PTPRD: variants seen among roughly 807,000 people sequenced by gnomAD.
PTPRD encodes protein tyrosine phosphatase receptor type D.
A neutral mutation model predicts 214.5 loss-of-function variants in PTPRD; 34 were observed. That is an observed-to-expected ratio of 0.16 (90% CI 0.12 to 0.21). PTPRD has a LOEUF of 0.21. PTPRD is among the 10% of genes least tolerant of loss of function. The probability of loss-of-function intolerance (pLI) is 1.00; values close to 1 mark genes in which losing one functional copy is unlikely to be tolerated. For missense variants in PTPRD, 2,545 were observed against 2,398.7 expected (o/e 1.06, Z -1.27); for synonymous variants, 1,128 against 845.7 (o/e 1.33, Z -5.79).
At chr9:9,953,493 GACACACAC>G (rs59836734) in intron 4 of PTPRD, among the ~76,000 whole-genome samples, 38 of 145,326 alleles carry the variant, frequency 2.6e-4, no homozygotes, top group Middle Eastern at 3.6e-3. Flanking sequence ...GGGAATTGTG[GACACACAC>G]ACACACACAC....
At chr9:8,740,939 G>C (rs188429267) in intron 11 of PTPRD, among the ~76,000 whole-genome samples, 2 of 152,060 alleles carry the variant, frequency 1.3e-5, no homozygotes, top group Non-Finnish European at 2.9e-5. Context: ...TATCAATATA[G>C]ACACTTAAAA....
chr9:9,602,969 A>G lies in PTPRD; in HGVS notation c.-286-28188T>C, dbSNP rs114583760. Among the ~76,000 whole-genome samples, 1,066 of 152,246 alleles carry G rather than the reference A, an allele frequency of 7.0e-3. 10 individuals are homozygous for G. Among genetic ancestry groups the G allele is most frequent in the African/African-American group, 0.025 (1,024 of 41,554 alleles). On this transcript the variant is annotated intron_variant, in intron 7 of 45. Transcript: ENST00000381196. Reference sequence around the variant, plus strand: ...TTTTAAGATAAGCAAATTGGCTGCTATATTTTGAAAGATTAGGTTGTGTTA... The same window carrying G: ...TTTTAAGATAAGCAAATTGGCTGCTGTATTTTGAAAGATTAGGTTGTGTTA...
chr9:8,725,621 T>G lies in PTPRD; in HGVS notation c.64+8159A>C, dbSNP rs142172781. Among the ~76,000 whole-genome samples the G allele has an allele frequency of 1.1e-4, 17 of 152,318 alleles. No individual in the cohort carries two copies. The East Asian group carries it at 3.3e-3, about 29-fold the overall frequency. ...CACAAACTAATGAGAAAAAAAGGCA[T>G]AATAGCAACTAACAACATTTAGTGA... On this transcript the variant is annotated intron_variant, in intron 12 of 45. Transcript: ENST00000381196.
intron 4 of PTPRD, among the ~76,000 whole-genome samples, chr9:9,971,299 C>A (rs1023274500): frequency 3.4e-4 from 51 of 152,192 alleles, no homozygotes; most frequent in African/African-American, 1.2e-3. Context: ...GATTTAAATT[C>A]ACTAGGTCTG....
rs965531017 is a variant in PTPRD, at chr9:8,371,278, C to G, written c.4661+4658G>C. ...ACACAAACCAAAAAAATCAGTCCAG[C>G]CTTGAAACTCTTACTATTTTTGTAA... On this transcript the variant is annotated intron_variant, in intron 39 of 45. Transcript: ENST00000381196. Among the ~76,000 whole-genome samples, 5 of 152,098 alleles carry G rather than the reference C, an allele frequency of 3.3e-5. No individual in the cohort carries two copies. The East Asian group carries it at 7.8e-4, about 24-fold the overall frequency.
intron 7 of PTPRD, among the ~76,000 whole-genome samples, chr9:9,689,671 C>T (rs993766945): frequency 6.6e-6 from 1 of 151,824 alleles, no homozygotes; most frequent in African/African-American, 2.4e-5. Context: ...CTCTGCTAAC[C>T]AGCAATATAC....
At chr9:8,589,028 G>C (rs1275744976) in intron 14 of PTPRD, among the ~76,000 whole-genome samples, 1 of 151,826 alleles carries the variant, frequency 6.6e-6, no homozygotes, top group East Asian at 1.9e-4. Flanking sequence ...ATTCTTACTG[G>C]GTTATTATAA....
At chr9:9,434,216 G>C (rs1470170338) in intron 8 of PTPRD, among the ~76,000 whole-genome samples, 1 of 152,114 alleles carries the variant, frequency 6.6e-6, no homozygotes, top group African/African-American at 2.4e-5. Flanking sequence ...ACAGTGCCTA[G>C]ATCTCTCTGA....
At chr9:10,501,747 C>A (rs151230760) in intron 2 of PTPRD, among the ~76,000 whole-genome samples, 10 of 152,066 alleles carry the variant, frequency 6.6e-5, no homozygotes, top group African/African-American at 2.4e-4. Flanking sequence ...TAGAGTGGGA[C>A]TTTAAGTATT....
chr9:8,822,623 C>A (rs1279675789), intron 11 of PTPRD, among the ~76,000 whole-genome samples: 1 of 152,122 alleles, frequency 6.6e-6, no homozygotes, highest in Non-Finnish European at 1.5e-5. Flanking sequence ...AGTACAGTAT[C>A]AATAACAATA....
chr9:8,919,609 AT>A (rs750389180), intron 11 of PTPRD, among the ~76,000 whole-genome samples: 1 of 151,848 alleles, frequency 6.6e-6, no homozygotes, highest in African/African-American at 2.4e-5. Flanking sequence ...CACTTTTCCT[AT>A]TTTTTCCATA....
chr9:10,465,176 A>G, intron 2 of PTPRD, among the ~76,000 whole-genome samples: 1 of 152,226 alleles, frequency 6.6e-6, no homozygotes. Context: ...AGTAATACAT[A>G]ATCAAATAAT....
At chr9:9,894,671 C>G (rs1333956549) in intron 5 of PTPRD, among the ~76,000 whole-genome samples, 1 of 152,026 alleles carries the variant, frequency 6.6e-6, no homozygotes, top group South Asian at 2.1e-4. Flanking sequence ...ATAACAGTTA[C>G]CATTTCACAT....
At chr9:9,074,584 A>G (rs1049632565) in intron 10 of PTPRD, among the ~76,000 whole-genome samples, 1 of 152,104 alleles carries the variant, frequency 6.6e-6, no homozygotes, top group Non-Finnish European at 1.5e-5. Context: ...AATCTGGCTC[A>G]TATTTTATTA....
intron 8 of PTPRD, among the ~76,000 whole-genome samples, chr9:9,554,729 A>G (rs1367598429): frequency 1.3e-5 from 2 of 152,054 alleles, no homozygotes. Flanking sequence ...ATAGAGATAA[A>G]AAGAATTGCA....
intron 4 of PTPRD, among the ~76,000 whole-genome samples, chr9:9,967,749 TAAG>T (rs933590076): frequency 1.3e-5 from 2 of 152,186 alleles, no homozygotes; most frequent in Non-Finnish European, 2.9e-5. Flanking sequence ...TCAAAATCTT[TAAG>T]AACTATTGAT....
chr9:8,636,197 G>A (rs897360623), intron 13 of PTPRD, among the ~76,000 whole-genome samples: 3 of 152,106 alleles, frequency 2.0e-5, no homozygotes, highest in African/African-American at 7.2e-5. Context: ...TTTCCTTTGG[G>A]AAAATTCTGC....
intron 5 of PTPRD, among the ~76,000 whole-genome samples, chr9:9,816,759 G>A (rs549820109): frequency 1.3e-5 from 2 of 152,040 alleles, no homozygotes; most frequent in African/African-American, 4.8e-5. Flanking sequence ...TAAAAGTCAT[G>A]CATAAGGTGC....
At chr9:9,159,076 C>T (rs1267051245) in intron 10 of PTPRD, among the ~76,000 whole-genome samples, 2 of 152,160 alleles carry the variant, frequency 1.3e-5, no homozygotes, top group Admixed American at 1.3e-4. Flanking sequence ...AAAGGCTATG[C>T]ATGATAAATC....
Sources: allele counts gnomAD v4.1 joint callset (sites outside exome capture counted in the v4.1 genomes callset), GRCh38; gene constraint gnomAD v4.1.1; transcripts MANE v1.5; gene names NCBI Gene and HGNC (gene_info 2026-07-23, HGNC 2026-07-21).